AGBL1: variants seen among roughly 807,000 people sequenced by gnomAD.
AGBL1 encodes AGBL carboxypeptidase 1.
Under a neutral mutation model 118.9 loss-of-function variants are expected in AGBL1, and 130 were observed. The observed-to-expected ratio is 1.09, with a 90% CI of 0.95 to 1.26. AGBL1 has a LOEUF of 1.26. Among genes scored for constraint, AGBL1 ranks in the 50% most tolerant of loss-of-function variants. The pLI is 0.00. For missense variants in AGBL1, 1,584 were observed against 1,298.1 expected (o/e 1.22, Z -3.38); for synonymous variants, 555 against 478.9 (o/e 1.16, Z -2.08).
intron 21 of AGBL1, among the ~76,000 whole-genome samples, chr15:86,563,799 A>G (rs2083869188): frequency 6.6e-6 from 1 of 152,154 alleles, no homozygotes; most frequent in Non-Finnish European, 1.5e-5. Flanking sequence ...GACTTGCTTT[A>G]TGAATCTGGG....
chr15:86,239,028 A>T (rs2078600256), intron 6 of AGBL1, among the ~76,000 whole-genome samples: 1 of 152,196 alleles, frequency 6.6e-6, no homozygotes, highest in Non-Finnish European at 1.5e-5. Flanking sequence ...GAGATGTGTG[A>T]GGAAGAGAAA....
At chr15:86,199,084 C>T (rs1156318590) in intron 5 of AGBL1, among the ~76,000 whole-genome samples, 1 of 152,134 alleles carries the variant, frequency 6.6e-6, no homozygotes, top group Non-Finnish European at 1.5e-5. Flanking sequence ...ATACATTAAT[C>T]ATTATACATA....
At chr15:86,313,648 G>C (rs1409746222) in intron 17 of AGBL1, among the ~76,000 whole-genome samples, 22 of 152,102 alleles carry the variant, frequency 1.4e-4, no homozygotes. Context: ...CTCATTAACT[G>C]TTGTTCAGAC....
At chr15:86,592,788 C>T (rs1257068276) in intron 21 of AGBL1, among the ~76,000 whole-genome samples, 1 of 152,160 alleles carries the variant, frequency 6.6e-6, no homozygotes, top group Non-Finnish European at 1.5e-5. Context: ...ACTGCCTTTC[C>T]CTGGTGTCAG....
chr15:86,360,407 T>C (rs1336089047), intron 17 of AGBL1, among the ~76,000 whole-genome samples: 1 of 151,558 alleles, frequency 6.6e-6, no homozygotes, highest in Non-Finnish European at 1.5e-5. Context: ...TAAATCCCAC[T>C]TGGTCATGGT....
intron 22 of AGBL1, among the ~76,000 whole-genome samples, chr15:86,887,984 T>G (rs1411500795): frequency 6.6e-6 from 1 of 152,058 alleles, no homozygotes; most frequent in Non-Finnish European, 1.5e-5. Context: ...GAGAAAAATA[T>G]AACAATGAAG....
intron 17 of AGBL1, among the ~76,000 whole-genome samples, chr15:86,334,867 C>T (rs1299863929): frequency 4.0e-5 from 6 of 151,730 alleles, no homozygotes; most frequent in South Asian, 2.1e-4. Flanking sequence ...TTGACCAAGA[C>T]GATGAAAGAA....
At chr15:86,376,838 C>T (rs2081046549) in intron 17 of AGBL1, among the ~76,000 whole-genome samples, 1 of 152,196 alleles carries the variant, frequency 6.6e-6, no homozygotes, top group Non-Finnish European at 1.5e-5. Flanking sequence ...AGGGGGTCTC[C>T]TCTATGTAGC....
intron 23 of AGBL1, among the ~76,000 whole-genome samples, chr15:86,986,281 C>A (rs1382210438): frequency 1.3e-5 from 2 of 152,102 alleles, no homozygotes; most frequent in Admixed American, 6.5e-5. Context: ...AAGTTTATTT[C>A]TTCTATTGTC....
intron 21 of AGBL1, among the ~76,000 whole-genome samples, chr15:86,633,865 G>A (rs1411506371): frequency 9.7e-6 from 1 of 102,944 alleles, no homozygotes; most frequent in Non-Finnish European, 1.9e-5. Context: ...TATATATAAT[G>A]TATATATATA....
chr15:86,632,792 C>T (rs1355987788), intron 21 of AGBL1, among the ~76,000 whole-genome samples: 1 of 50,852 alleles, frequency 2.0e-5, no homozygotes, highest in East Asian at 9.0e-4. Context: ...ATTTCTTCTG[C>T]CAGCGTAGTT....
At chr15:86,326,811 T>G (rs2080191280) in intron 17 of AGBL1, among the ~76,000 whole-genome samples, 1 of 152,174 alleles carries the variant, frequency 6.6e-6, no homozygotes. Flanking sequence ...TGGTAACAAC[T>G]GATGAAGTAT....
chr15:86,453,168 A>T (rs1187168573), intron 18 of AGBL1, among the ~76,000 whole-genome samples: 1 of 152,200 alleles, frequency 6.6e-6, no homozygotes, highest in East Asian at 1.9e-4. Context: ...CCTAGTACAC[A>T]GTAGGCACTC....
At chr15:86,488,530 C>G (rs1391636454) in intron 18 of AGBL1, among the ~76,000 whole-genome samples, 2 of 152,036 alleles carry the variant, frequency 1.3e-5, no homozygotes, top group African/African-American at 4.8e-5. Flanking sequence ...AAGATAAAAT[C>G]TATGGGGTCA....
At chr15:86,704,639 G>A (rs1384299285) in intron 22 of AGBL1, among the ~76,000 whole-genome samples, 1 of 152,144 alleles carries the variant, frequency 6.6e-6, no homozygotes, top group East Asian at 1.9e-4. Context: ...AACAACAGAT[G>A]CTGGTAGGCT....
chr15:86,608,455 A>G (rs1232136664), intron 21 of AGBL1, among the ~76,000 whole-genome samples: 1 of 152,160 alleles, frequency 6.6e-6, no homozygotes, highest in Non-Finnish European at 1.5e-5. Flanking sequence ...TTCTCTGTTG[A>G]TAAGACACTA....
At chr15:86,532,516 A>G (rs143216251) in intron 19 of AGBL1, among the ~76,000 whole-genome samples, 108,002 of 109,576 alleles carry the variant, frequency 0.99, 53,310 homozygotes, top group Middle Eastern at 1. Context: ...AATCAATATC[A>G]TGAAAATGGC....
chr15:86,162,321 T>G (rs2077278213), intron 5 of AGBL1, among the ~76,000 whole-genome samples: 1 of 152,130 alleles, frequency 6.6e-6, no homozygotes, highest in South Asian at 2.1e-4. Context: ...CAGTGTTGTG[T>G]CATGATGACT....
chr15:86,351,572 C>A (rs781030343), intron 17 of AGBL1, among the ~76,000 whole-genome samples: 2 of 152,110 alleles, frequency 1.3e-5, no homozygotes, highest in African/African-American at 2.4e-5. Flanking sequence ...CCTTTGCACA[C>A]GTGATGCTAT....
Sources: gnomAD v4.1 joint callset for allele counts (sites outside exome capture counted in the v4.1 genomes callset) on GRCh38, gnomAD v4.1.1 for gene constraint, MANE v1.5 for transcripts, NCBI Gene and HGNC (gene_info 2026-07-23, HGNC 2026-07-21) for gene names.